NUP205: variants seen among roughly 807,000 people sequenced by gnomAD.
The protein encoded by NUP205 is nuclear pore complex protein Nup205.
In NUP205, 76 loss-of-function variants were observed where a neutral mutation model predicts 253.8. The ratio of observed to expected loss-of-function variants is 0.30; its 90% CI spans 0.25 to 0.36. NUP205 has a LOEUF of 0.36. Ranked by LOEUF, NUP205 falls within the 10% of genes least tolerant of loss-of-function variation. NUP205 has a pLI of 1.00. For missense variants in NUP205, 2,162 were observed against 2,425.5 expected (o/e 0.89, Z 2.28); for synonymous variants, 832 against 850.1 (o/e 0.98, Z 0.37).
chr7:135,569,466 G>C (rs1476318807), intron 1 of NUP205, among the ~76,000 whole-genome samples: 1 of 151,804 alleles, frequency 6.6e-6, no homozygotes, highest in Non-Finnish European at 1.5e-5. Context: ...TTACTTTCCA[G>C]TAAATTATGG....
At chr7:135,571,782 C>G (rs1036234618) in intron 2 of NUP205, among the ~76,000 whole-genome samples, 2 of 152,104 alleles carry the variant, frequency 1.3e-5, no homozygotes, top group East Asian at 1.9e-4. Context: ...GTCGTGCTAT[C>G]AAATAGTAGG....
intron 28 of NUP205, 144 bp downstream of exon 28, chr7:135,618,747 AG>A (rs1563131238): frequency 1.6e-5 from 11 of 674,048 alleles, no homozygotes; most frequent in Non-Finnish European, 4.9e-6. Flanking sequence ...TCCTTGAGAA[AG>A]GGATTAATTC....
intron 35 of NUP205, among the ~76,000 whole-genome samples, 164 bp downstream of exon 35, chr7:135,630,634 A>G (rs980689993): frequency 8.5e-5 from 13 of 152,194 alleles, no homozygotes; most frequent in Non-Finnish European, 1.5e-5. Context: ...ATAAAATGAT[A>G]CATGCTTGGC....
chr7:135,566,862 C>T (rs147427331), intron 1 of NUP205, among the ~76,000 whole-genome samples: 3,798 of 151,828 alleles, frequency 0.025, 79 homozygotes, highest in South Asian at 0.077. Flanking sequence ...CTCAGCCTCC[C>T]GAGTAGCTGG....
At chr7:135,564,047 A>G (rs1805671575) in intron 1 of NUP205, among the ~76,000 whole-genome samples, 1 of 151,882 alleles carries the variant, frequency 6.6e-6, no homozygotes, top group Non-Finnish European at 1.5e-5. Flanking sequence ...GATTGAAGAT[A>G]ACTCTTTGTT....
intron 31 of NUP205, among the ~76,000 whole-genome samples, chr7:135,624,471 G>A (rs913827194): frequency 6.6e-6 from 1 of 152,134 alleles, no homozygotes; most frequent in Non-Finnish European, 1.5e-5. Context: ...CTGCCTCCCA[G>A]GTTCAAGTGA....
intron 5 of NUP205, 71 bp downstream of exon 5, chr7:135,577,199 T>C (rs746928532): frequency 9.9e-5 from 141 of 1,425,792 alleles, no homozygotes; most frequent in Non-Finnish European, 1.2e-4. Flanking sequence ...ACAATTAGAA[T>C]GTTCATTTTT....
chr7:135,639,659 A>C (rs902228175), intron 38 of NUP205, among the ~76,000 whole-genome samples: 5 of 151,688 alleles, frequency 3.3e-5, no homozygotes, highest in African/African-American at 9.7e-5. Context: ...CCACTGCACT[A>C]CAGCCTGGGC....
rs548019469 is a variant in NUP205 at position 135,648,245 on chromosome 7, T to C, written c.5887-159T>C. Among the ~76,000 whole-genome samples the C allele has an allele frequency of 2.0e-4, 31 of 152,354 alleles. 1 individual carries two copies. Among genetic ancestry groups the C allele is most frequent in the Admixed American group, 1.8e-3 (27 of 15,296 alleles). ...AAAATTCTAAGGTAGAAAATGTGAA[T>C]GTTTAGTTAATTTAGTAACACATTA... On this transcript the variant is annotated intron_variant, in intron 42 of 42. Transcript: ENST00000285968.
At chr7:135,570,506 T>G (rs1281040266) in intron 1 of NUP205, among the ~76,000 whole-genome samples, 1 of 151,518 alleles carries the variant, frequency 6.6e-6, no homozygotes, top group African/African-American at 2.4e-5. Context: ...TGAGCCATTG[T>G]GCCTACCTAA....
chr7:135,598,104 G>T lies in NUP205; in HGVS notation c.2171G>T (p.Gly724Val), dbSNP rs778136473. The T allele has an allele frequency of 8.7e-6, 14 of 1,614,092 alleles. No individual in the cohort carries two copies. The highest frequency in any genetic ancestry group is 4.0e-5 in the African/African-American group (3 of 75,010). Residue 724 changes from glycine (G) to valine (V), a missense_variant, in exon 15 of 43, where the codon GGT (glycine) becomes GTT (valine). Gly to Val is a moderately radical substitution (Grantham distance 109). Around this residue, in one of 5 missense-constraint regions of NUP205, gnomAD observed 892 missense variants for 957.1 expected, o/e 0.93. Coordinates refer to ENST00000285968, the MANE Select transcript of NUP205 (RefSeq NM_015135.3). ...GAGAGCTCATTTCCTTCTAATTTGG[G>T]TGCTGGACTGCGGCCCCCTGGCTTT... is the stretch of plus-strand genomic sequence containing the variant. ...LVESSFPSNL[G>V]AGLRPPGFDP...
At chr7:135,596,183 C>T (rs1024743620) in intron 13 of NUP205, among the ~76,000 whole-genome samples, 2 of 152,230 alleles carry the variant, frequency 1.3e-5, no homozygotes, top group African/African-American at 2.4e-5. Flanking sequence ...ATCCGCCTGC[C>T]TTGGCCTCCC....
In NUP205 at chr7:135,573,697, C is replaced by T. The variant is rs1208989166; in HGVS notation, c.215C>T (p.Thr72Ile). Residue 72 changes from threonine to isoleucine, a missense_variant, in exon 3 of 43, where the codon ACA becomes ATA. Around this residue, in one of 5 missense-constraint regions of NUP205, gnomAD observed 109 missense variants for 131.8 expected, o/e 0.83. Coordinates refer to ENST00000285968, the MANE Select transcript of NUP205 (RefSeq NM_015135.3). ...QQHEKVQKAS[T>I]EGVAIQGQQG... ...CATGAGAAGGTTCAGAAAGCCAGTA[C>T]AGAGGGAGTCGCCATTCAGGGTCAA... 1.2e-6 allele frequency: 2 copies of T among 1,613,796 alleles called. No homozygotes were observed. The highest frequency in any genetic ancestry group is 1.1e-5 in the South Asian group (1 of 91,062).
Position 135,560,438 on chromosome 7 carries a change from A to G in NUP205, c.28+2466A>G, listed in dbSNP as rs191933851. ...GTGTCAGGAGTGTTTAATTGGCAAC[A>G]TAGGAAACATTTTTAAAAGCCAAGA... is the stretch of plus-strand genomic sequence containing the variant. On this transcript the variant is annotated intron_variant, in intron 1 of 42. Transcript: ENST00000285968. Among the ~76,000 whole-genome samples, 81 of 152,338 alleles carry G rather than the reference A, an allele frequency of 5.3e-4. 1 individual carries two copies. Among genetic ancestry groups the G allele is most frequent in the Non-Finnish European group, 1.3e-4 (9 of 68,036 alleles).
intron 37 of NUP205, 35 bp from the exon 38 acceptor site, chr7:135,638,522 G>T (rs775893137): frequency 6.2e-7 from 1 of 1,604,436 alleles, no homozygotes; most frequent in Admixed American, 1.7e-5. Context: ...ACATTTCAGG[G>T]TCTTAACATT....
At chr7:135,622,738 T>C (rs376933794) in intron 30 of NUP205, 39 bp from the exon 31 acceptor site, 3 of 1,602,118 alleles carry the variant, frequency 1.9e-6, no homozygotes, top group African/African-American at 1.3e-5. Context: ...ATTACACTGC[T>C]TTTTACTGGA....
At position 135,645,468 on chromosome 7, in the gene NUP205, T is replaced by TTTA; in HGVS notation, c.5685_5686insTAT (p.Phe1895_Ile1896insTyr). On this transcript the variant is annotated inframe_insertion and splice_region_variant, in exon 41 of 43. Coordinates refer to ENST00000285968, the MANE Select transcript of NUP205 (RefSeq NM_015135.3). ...TCCTTTAATCTGAGCTCTGGTATAG[T>TTTA]TATCATAGAGACCTGCCTATTTATT... 1 of 1,613,392 alleles carries TTTA rather than the reference T, an allele frequency of 6.2e-7. No individual in the cohort carries two copies. Among genetic ancestry groups the TTTA allele is most frequent in the Non-Finnish European group, 8.5e-7 (1 of 1,179,728 alleles).
intron 19 of NUP205, among the ~76,000 whole-genome samples, chr7:135,605,868 TTA>T (rs995841178): frequency 2.8e-4 from 42 of 151,866 alleles, no homozygotes; most frequent in Admixed American, 1.2e-3. Context: ...TTTTTTTTTT[TTA>T]ACTAGCTTGA....
In NUP205 at chr7:135,571,445, A is replaced by G. The variant is rs1805996529; in HGVS notation, c.171+198A>G. Reference sequence around the variant, plus strand: ...AAAAAAAGACAGGGTCTAACTTTGTAGCCCAGGCTTGTCTTGGACTTCTGG... The same window carrying G: ...AAAAAAAGACAGGGTCTAACTTTGTGGCCCAGGCTTGTCTTGGACTTCTGG... On this transcript the variant is annotated intron_variant, in intron 2 of 42. Transcript: ENST00000285968. Among the ~76,000 whole-genome samples the G allele has an allele frequency of 4.0e-5, 6 of 150,266 alleles. No individual in the cohort carries two copies. The South Asian group carries it at 1.1e-3, about 26-fold the overall frequency.
Sources: allele counts gnomAD v4.1 joint callset (sites outside exome capture counted in the v4.1 genomes callset), GRCh38; gene constraint gnomAD v4.1.1; regional missense constraint gnomAD v4.1.1; transcripts MANE v1.5; gene names NCBI Gene and HGNC (gene_info 2026-07-23, HGNC 2026-07-21).